Variants in RWDD1 observed in about 807,000 individuals in gnomAD.
RWDD1 encodes RWD domain-containing protein 1.
In RWDD1, 17 loss-of-function variants were observed where a neutral mutation model predicts 31.6. The ratio of observed to expected loss-of-function variants is 0.54; its 90% CI spans 0.37 to 0.81. The LOEUF is 0.81. Ranked by LOEUF, RWDD1 falls within the 30% of genes least tolerant of loss-of-function variation. RWDD1 has a pLI of 0.00. For missense variants in RWDD1, 204 were observed against 274.5 expected (o/e 0.74, Z 1.82); for synonymous variants, 78 against 94.2 (o/e 0.83, Z 0.99).
Position 116,597,313 on chromosome 6 carries a change from T to C in RWDD1, c.*4212T>C, listed in dbSNP as rs1270742106. The C allele has an allele frequency of 6.6e-6, 1 of 152,224 alleles. No individual in the cohort carries two copies. The highest frequency in any genetic ancestry group is 2.4e-5 in the African/African-American group (1 of 41,470). The allele number at this position is 152,224 out of a possible 1,614,324, so 9.4% of individuals were successfully genotyped here. On this transcript the variant is annotated 3_prime_UTR_variant, in exon 7 of 7. Coordinates refer to ENST00000466444, the MANE Select transcript of RWDD1 (RefSeq NM_015952.4). The stretch of plus-strand genomic sequence containing the variant: ...ATTAACATGATGAATTTTTAAATAA[T>C]TGTTATATTTAGTTTTGTTCTTCCA...
rs544114856 is a variant in RWDD1, at chr6:116,594,340, A to G, written c.*1239A>G. The G allele has an allele frequency of 6.6e-6, 1 of 152,294 alleles. No individual in the cohort carries two copies. The highest frequency in any genetic ancestry group is 1.9e-4 in the East Asian group (1 of 5,186). The allele number at this position is 152,294 out of a possible 1,614,324, so 9.4% of individuals were successfully genotyped here. On this transcript the variant is annotated 3_prime_UTR_variant, in exon 7 of 7. Coordinates refer to ENST00000466444, the MANE Select transcript of RWDD1 (RefSeq NM_015952.4). Reference sequence around the variant, plus strand: ...TTAAAGTATTTAAATTAGAATTTAAATTAAAATTTAAATTACAGTATTTAA... The same window carrying G: ...TTAAAGTATTTAAATTAGAATTTAAGTTAAAATTTAAATTACAGTATTTAA...
chr6:116,586,886 G>C (rs1179269778), intron 3 of RWDD1, among the ~76,000 whole-genome samples: 1 of 152,090 alleles, frequency 6.6e-6, no homozygotes, highest in Non-Finnish European at 1.5e-5. Context: ...TGTGGTATCT[G>C]TTTTCTCACA....
At chr6:116,578,046 T>C (rs1331711171) in intron 1 of RWDD1, among the ~76,000 whole-genome samples, 3 of 152,200 alleles carry the variant, frequency 2.0e-5, no homozygotes, top group Non-Finnish European at 2.9e-5. Flanking sequence ...CAAATGACTT[T>C]CTTGGAATTT....
At chr6:116,572,862 A>G in intron 1 of RWDD1, 2 of 985,442 alleles carry the variant, frequency 2.0e-6, no homozygotes, top group Non-Finnish European at 2.4e-6. Flanking sequence ...CAACAGGCAG[A>G]TGTCTCTCAG....
At position 116,571,806 on chromosome 6, in the gene RWDD1, CACTT is replaced by C; in HGVS notation, c.73+154_73+157del. 7 of 572,578 alleles carry C rather than the reference CACTT, an allele frequency of 1.2e-5. No individual in the cohort carries two copies. The South Asian group carries it at 1.6e-4, about 13-fold the overall frequency. 35.5% of individuals were successfully genotyped at this position (572,578 alleles called of 1,614,324 possible). On this transcript the variant is annotated intron_variant, in intron 1 of 6. Coordinates refer to ENST00000466444, the MANE Select transcript of RWDD1 (RefSeq NM_015952.4). ...CCCTCCACTCCTCAAGTTCTTCAGT[CACTT>C]ACCAGCAACCCAGTGACTTTTTCTC...
chr6:116,573,177 T>C (rs1774776776), intron 1 of RWDD1, among the ~76,000 whole-genome samples: 1 of 152,256 alleles, frequency 6.6e-6, no homozygotes, highest in Non-Finnish European at 1.5e-5. Flanking sequence ...TTCATTTCTT[T>C]GGACATAAGC....
chr6:116,571,705 G>A lies in RWDD1; in HGVS notation c.73+50G>A, dbSNP rs377627234. 90 of 1,552,144 alleles carry A rather than the reference G, an allele frequency of 5.8e-5. No individual in the cohort carries two copies. In the African/African-American group the frequency reaches 1.1e-3, roughly 18 times the overall value. On this transcript the variant is annotated intron_variant, in intron 1 of 6. Transcript: ENST00000466444. ...TAGCCGCCCCGAGGTGGAGTAGGAC[G>A]GGCAGGAGCTGCCGCAGCTCTGGGC...
At position 116,594,526 on chromosome 6, in the gene RWDD1, C is replaced by T. The variant is rs1354541738; in HGVS notation, c.*1425C>T. Reference sequence around the variant, plus strand: ...ACAATCTGGGTTAAGAACCACTGTCCTGTAGTCGTGAAGTCTATATATTTT... The same window carrying T: ...ACAATCTGGGTTAAGAACCACTGTCTTGTAGTCGTGAAGTCTATATATTTT... On this transcript the variant is annotated 3_prime_UTR_variant, in exon 7 of 7. Transcript: ENST00000466444. 3 of 152,148 alleles carry T rather than the reference C, an allele frequency of 2.0e-5. No individual in the cohort carries two copies. The highest frequency in any genetic ancestry group is 7.2e-5 in the African/African-American group (3 of 41,430). 9.4% of individuals were successfully genotyped at this position (152,148 alleles called of 1,614,324 possible).
intron 4 of RWDD1, among the ~76,000 whole-genome samples, chr6:116,589,768 G>T (rs1775105369): frequency 6.6e-6 from 1 of 152,136 alleles, no homozygotes; most frequent in Non-Finnish European, 1.5e-5. Flanking sequence ...AGCGGCAAGA[G>T]AAAAATGAGG....
At position 116,577,624 on chromosome 6, in the gene RWDD1, A is replaced by G. The variant is rs548664963; in HGVS notation, c.74-2671A>G. On this transcript the variant is annotated intron_variant, in intron 1 of 6. Transcript: ENST00000466444. ...TCACATTCTCAGCCTGCAGCCTGCC[A>G]ACTTAAAATATCATCATCACCATTT... Among the ~76,000 whole-genome samples the G allele has an allele frequency of 3.3e-3, 506 of 151,934 alleles. 5 individuals carry two copies. The highest frequency in any genetic ancestry group is 0.012 in the African/African-American group (479 of 41,516).
chr6:116,588,431 TGATATA>T (rs1775079751), intron 3 of RWDD1, among the ~76,000 whole-genome samples: 1 of 152,172 alleles, frequency 6.6e-6, no homozygotes, highest in African/African-American at 2.4e-5. Flanking sequence ...AAAAAAAGGT[TGATATA>T]GATAAACTAC....
At chr6:116,576,744 C>T (rs1383484166) in intron 1 of RWDD1, among the ~76,000 whole-genome samples, 2 of 152,122 alleles carry the variant, frequency 1.3e-5, no homozygotes, top group African/African-American at 4.8e-5. Context: ...GACAAGTTAA[C>T]AAGTAAATGA....
Position 116,593,257 on chromosome 6 carries a change from T to A in RWDD1, c.*156T>A. 1 of 691,802 alleles carries A rather than the reference T, an allele frequency of 1.4e-6. No homozygotes were observed. Among genetic ancestry groups the A allele is most frequent in the Non-Finnish European group, 2.2e-6 (1 of 458,236 alleles). 42.9% of individuals were successfully genotyped at this position (691,802 alleles called of 1,614,324 possible). A position where few individuals can be genotyped will look rare whatever the true frequency, so the allele number is the denominator to read the frequency against. The stretch of plus-strand genomic sequence containing the variant: ...ATCATTGAACTTAATAAACTGACCT[T>A]AAAATTTCAAATATAAAATGTTCAA... On this transcript the variant is annotated 3_prime_UTR_variant, in exon 7 of 7. Coordinates refer to ENST00000466444, the MANE Select transcript of RWDD1 (RefSeq NM_015952.4).
At chr6:116,584,673 A>ATC in intron 2 of RWDD1, 54 bp from the exon 3 acceptor site, 1 of 1,505,742 alleles carries the variant, frequency 6.6e-7, no homozygotes, top group Non-Finnish European at 9.2e-7. Context: ...CAGCAAAGAT[A>ATC]TCTACCTCTT....
intron 4 of RWDD1, among the ~76,000 whole-genome samples, 192 bp from the exon 5 acceptor site, chr6:116,590,080 C>A (rs974905323): frequency 1.3e-5 from 2 of 152,112 alleles, no homozygotes; most frequent in African/African-American, 2.4e-5. Flanking sequence ...ATGGACTACT[C>A]CAAAGTATGT....
At chr6:116,592,205 A>AT (rs78324324) in intron 6 of RWDD1, among the ~76,000 whole-genome samples, 54,195 of 151,926 alleles carry the variant, frequency 0.36, 11,056 homozygotes, top group East Asian at 0.54. Flanking sequence ...ACTTTCAGGT[A>AT]TTTTTTCTCA....
At chr6:116,572,947 G>A in intron 1 of RWDD1, 2 of 985,502 alleles carry the variant, frequency 2.0e-6, no homozygotes, top group Non-Finnish European at 2.4e-6. Context: ...GGATGTTAAG[G>A]GGATGAGTGA....
chr6:116,582,977 A>T (rs1774974104), intron 2 of RWDD1, among the ~76,000 whole-genome samples: 1 of 149,500 alleles, frequency 6.7e-6, no homozygotes. Context: ...TAATTTTTAA[A>T]ATTTTAAATA....
rs1010762342 is a variant in RWDD1 at position 116,596,228 on chromosome 6, C to A, written c.*3127C>A. 1 of 152,212 alleles carries A rather than the reference C, an allele frequency of 6.6e-6. No homozygotes were observed. Among genetic ancestry groups the A allele is most frequent in the Admixed American group, 6.5e-5 (1 of 15,284 alleles). 9.4% of individuals were successfully genotyped at this position (152,212 alleles called of 1,614,324 possible). A position where few individuals can be genotyped will look rare whatever the true frequency, so the allele number is the denominator to read the frequency against. On this transcript the variant is annotated 3_prime_UTR_variant, in exon 7 of 7. Transcript: ENST00000466444. ...GTGTCAAAATGAGAGTCACACACTTCAAGAACTGTAGGAACTAATTTTAGA... is the reference window on the plus strand; with the variant it reads ...GTGTCAAAATGAGAGTCACACACTTAAAGAACTGTAGGAACTAATTTTAGA...
Sources: gnomAD v4.1 joint callset for allele counts (sites outside exome capture counted in the v4.1 genomes callset) on GRCh38, gnomAD v4.1.1 for gene constraint, MANE v1.5 for transcripts, NCBI Gene and HGNC (gene_info 2026-07-23, HGNC 2026-07-21) for gene names.